The following DSPP variants were observed in gnomAD, a reference collection of about 807,000 sequenced individuals.
DSPP encodes deafness, autosomal dominant 39.
Under a neutral mutation model 29.1 loss-of-function variants are expected in DSPP, and 28 were observed. The observed-to-expected ratio is 0.96, with a 90% CI of 0.71 to 1.32. DSPP has a LOEUF of 1.32. Ranked by LOEUF, DSPP falls within the 40% of genes most tolerant of loss-of-function variation. The pLI, the probability that DSPP is intolerant of heterozygous loss-of-function variation, is 0.00. For missense variants in DSPP, 1,281 were observed against 1,629.9 expected, an observed-to-expected ratio of 0.79 and a Z score of 3.69; for synonymous variants, 481 against 503.4, an observed-to-expected ratio of 0.96 and a Z score of 0.60.
Position 87,614,644 on chromosome 4 carries a change from A to G in DSPP, c.1982A>G (p.Asn661Ser), listed in dbSNP as rs867415834. 6.5e-7 allele frequency: 1 copy of G among 1,542,690 alleles called. No individual in the cohort carries two copies. Among genetic ancestry groups the G allele is most frequent in the Non-Finnish European group, 8.8e-7 (1 of 1,140,092 alleles). ...AACAGTGATAGCAGCGACAGCAGCAATAGCAGTAACAGCAGTGATAGTAGT... is the reference window on the plus strand; with the variant it reads ...AACAGTGATAGCAGCGACAGCAGCAGTAGCAGTAACAGCAGTGATAGTAGT... Reference protein sequence around the residue: ...SDNSDSSDSSNSSNSSDSSDS... With the variant: ...SDNSDSSDSSSSSNSSDSSDS... The change falls in exon 5 of 5, where the codon AAT (asparagine) becomes AGT (serine). Residue 661 changes from asparagine (N) to serine (S), a missense_variant. By Grantham distance (46) the Asn-to-Ser change is conservative (BLOSUM62 1). Coordinates refer to ENST00000651931, the MANE Select transcript of DSPP (RefSeq NM_014208.3).
rs33940466 is a variant in DSPP at position 87,611,030 on chromosome 4, AGTGTGT to A, written c.51+99_51+104del. 1,480 of 821,072 alleles carry A rather than the reference AGTGTGT, an allele frequency of 1.8e-3. 1 individual carries two copies. Among genetic ancestry groups the A allele is most frequent in the South Asian group, 5.6e-3 (406 of 72,790 alleles). 50.9% of individuals were successfully genotyped at this position (821,072 alleles called of 1,614,324 possible). ...TTAACCTAACATTAATACAAAATGT[AGTGTGT>A]GTGTGTGTGTGTGTGTGTGTGTGTG... On this transcript the variant is annotated intron_variant, in intron 2 of 4. Coordinates refer to ENST00000651931, the MANE Select transcript of DSPP (RefSeq NM_014208.3).
Position 87,611,031 on chromosome 4 carries a change from G to GTC in DSPP, c.51+73_51+74insCT, listed in dbSNP as rs1491417670. ...TAACCTAACATTAATACAAAATGTA[G>GTC]TGTGTGTGTGTGTGTGTGTGTGTGT... On this transcript the variant is annotated intron_variant, in intron 2 of 4. Coordinates refer to ENST00000651931, the MANE Select transcript of DSPP (RefSeq NM_014208.3). 1.2e-3 allele frequency: 402 copies of GTC among 345,302 alleles called. 2 individuals carry two copies. In the African/African-American group the frequency reaches 0.034, roughly 29 times the overall value. The allele number at this position is 345,302 out of a possible 1,614,324, so 21.4% of individuals were successfully genotyped here. A position where few individuals can be genotyped will look rare whatever the true frequency, so the allele number is the denominator to read the frequency against.
At chr4:87,612,299 T>C in intron 3 of DSPP, 23 bp from the exon 4 acceptor site, 3 of 1,613,640 alleles carry the variant, frequency 1.9e-6, no homozygotes, top group Non-Finnish European at 2.5e-6. Context: ...TACTTATAAT[T>C]GATTGAATTG....
intron 3 of DSPP, 60 bp downstream of exon 3, chr4:87,612,248 C>T: frequency 1.2e-6 from 2 of 1,612,256 alleles, no homozygotes; most frequent in South Asian, 1.1e-5. Flanking sequence ...ATTCCATTAA[C>T]TTCTCCAAGA....
At position 87,616,174 on chromosome 4, in the gene DSPP, G is replaced by A. The variant is rs746089258; in HGVS notation, c.3512G>A (p.Ser1171Asn). Residue 1171 changes from serine (S) to asparagine (N), a missense_variant, in exon 5 of 5, where the codon AGC becomes AAC. By Grantham distance (46) the Ser-to-Asn change is conservative. This residue lies in a region of DSPP where 134 missense variants were observed against 185.0 expected (regional missense o/e 0.72). Transcript: ENST00000651931. Reference sequence around the variant, plus strand: ...AGCGATAGCAGCGACAGCAGCGACAGCAGCGATAGCAGTGACAGCAGCAAT... The same window carrying A: ...AGCGATAGCAGCGACAGCAGCGACAACAGCGATAGCAGTGACAGCAGCAAT... ...DSSDSSDSSD[S>N]SDSSDSSNSS... 3.9e-6 allele frequency: 6 copies of A among 1,547,092 alleles called. No homozygotes were observed. Among genetic ancestry groups the A allele is most frequent in the Non-Finnish European group, 5.2e-6 (6 of 1,144,842 alleles).
intron 2 of DSPP, 85 bp downstream of exon 2, chr4:87,611,044 T>C (rs975909688): frequency 1.9e-5 from 21 of 1,108,726 alleles, no homozygotes; most frequent in Non-Finnish European, 2.8e-5. Flanking sequence ...TGTGTGTGTG[T>C]GTGTGTGTGT....
Position 87,614,075 on chromosome 4 carries a change from T to C in DSPP, c.1413T>C (p.Ser471=). The change falls in exon 5 of 5, where the codon TCT becomes TCC. Residue 471 remains serine (S), a synonymous_variant. Coordinates refer to ENST00000651931, the MANE Select transcript of DSPP (RefSeq NM_014208.3). Reference sequence around the variant, plus strand: ...ATGATCCCAATAGCAGTGATGAATCTAATGGCAATGATGATGCTAATTCAG... The same window carrying C: ...ATGATCCCAATAGCAGTGATGAATCCAATGGCAATGATGATGCTAATTCAG... ...QGDDPNSSDE[S]NGNDDANSES... 2 of 1,614,234 alleles carry C rather than the reference T, an allele frequency of 1.2e-6. No individual in the cohort carries two copies. The highest frequency in any genetic ancestry group is 2.2e-5 in the South Asian group (2 of 91,090).
chr4:87,613,265 C>G lies in DSPP; in HGVS notation c.1079C>G (p.Thr360Ser). 6.2e-7 allele frequency: 1 copy of G among 1,613,704 alleles called. No homozygotes were observed. The highest frequency in any genetic ancestry group is 8.5e-7 in the Non-Finnish European group (1 of 1,180,020). The change falls in exon 4 of 5, where the codon ACC becomes AGC. Residue 360 changes from threonine (T) to serine (S), a missense_variant. This residue lies in a region of DSPP where 631 missense variants were observed against 643.2 expected (regional missense o/e 0.98). Transcript: ENST00000651931. The stretch of plus-strand genomic sequence containing the variant: ...AGCAAACGCGTAGAAAATAGAATCA[C>G]CAAAGAATCAGAGACACATGCTGTT... ...RESKRVENRITKESETHAVGK... is the reference protein window; with the variant it reads ...RESKRVENRISKESETHAVGK...
intron 2 of DSPP, 49 bp downstream of exon 2, chr4:87,611,008 AC>A: frequency 1.3e-6 from 2 of 1,521,428 alleles, no homozygotes; most frequent in South Asian, 1.1e-5. Flanking sequence ...ATCTTTTTTA[AC>A]CTAACATTAA....
chr4:87,615,275 TGACAGCAGC>T lies in DSPP; in HGVS notation c.2614_2622del (p.Asp872_Ser874del). The T allele has an allele frequency of 6.6e-7, 1 of 1,522,470 alleles. No individual in the cohort carries two copies. Among genetic ancestry groups the T allele is most frequent in the Non-Finnish European group, 8.8e-7 (1 of 1,133,456 alleles). The allele number at this position is 1,522,470 out of a possible 1,614,324, so 94.3% of individuals were successfully genotyped here. A position where few individuals can be genotyped will look rare whatever the true frequency, so the allele number is the denominator to read the frequency against. On this transcript the variant is annotated inframe_deletion, in exon 5 of 5. Transcript: ENST00000651931. ...ATAGTAGTGACAGCAGCGATAGCAG[TGACAGCAGC>T]AACAGCAGTGACAGCAGTGATAGCA...
chr4:87,614,165 T>G lies in DSPP; in HGVS notation c.1503T>G (p.Asn501Lys), dbSNP rs766084004. The change falls in exon 5 of 5, where the codon AAT becomes AAG. Residue 501 changes from asparagine to lysine, a missense_variant. Coordinates refer to ENST00000651931, the MANE Select transcript of DSPP (RefSeq NM_014208.3). ...ATAACTCTGATGAATCAAAAGATAA[T>G]GGCAATGGCAGTGACTCAAAAGGAG... is the stretch of plus-strand genomic sequence containing the variant. ...ASYNSDESKDNGNGSDSKGAE... is the reference protein window; with the variant it reads ...ASYNSDESKDKGNGSDSKGAE... 3 of 1,614,204 alleles carry G rather than the reference T, an allele frequency of 1.9e-6. No homozygotes were observed. Among genetic ancestry groups the G allele is most frequent in the South Asian group, 2.2e-5 (2 of 91,090 alleles).
chr4:87,615,198 G>A lies in DSPP; in HGVS notation c.2536G>A (p.Asp846Asn), dbSNP rs776496447. The change falls in exon 5 of 5, where the codon GAT (aspartate) becomes AAT (asparagine). Residue 846 changes from aspartate to asparagine, a missense_variant. Asp to Asn is a conservative substitution (Grantham distance 23). Coordinates refer to ENST00000651931, the MANE Select transcript of DSPP (RefSeq NM_014208.3). The stretch of plus-strand genomic sequence containing the variant: ...CAGCAGTGATAGCAGCGACAGCAGC[G>A]ATAGCAGTGACGGCAGTGATAGCGA... ...SNSSDSSDSS[D>N]SSDGSDSDSS... The A allele has an allele frequency of 2.7e-5, 40 of 1,509,236 alleles. No individual in the cohort carries two copies. The highest frequency in any genetic ancestry group is 1.1e-4 in the South Asian group (9 of 80,084). The allele number at this position is 1,509,236 out of a possible 1,614,324, so 93.5% of individuals were successfully genotyped here. A position where few individuals can be genotyped will look rare whatever the true frequency, so the allele number is the denominator to read the frequency against.
At position 87,614,256 on chromosome 4, in the gene DSPP, A is replaced by C; in HGVS notation, c.1594A>C (p.Asn532His). 6.2e-7 allele frequency: 1 copy of C among 1,614,292 alleles called. No individual in the cohort carries two copies. The highest frequency in any genetic ancestry group is 1.3e-5 in the African/African-American group (1 of 75,082). ...NNSDSNGNGNNGNDDNDKSDS... is the reference protein window; with the variant it reads ...NNSDSNGNGNHGNDDNDKSDS... ...TAGTGACAGTAATGGCAATGGTAAC[A>C]ATGGGAATGATGACAATGACAAATC... is the stretch of plus-strand genomic sequence containing the variant. Residue 532 changes from asparagine (N) to histidine (H), a missense_variant, in exon 5 of 5, where the codon AAT (asparagine) becomes CAT (histidine). Physicochemically the swap from Asn to His is moderately conservative, Grantham distance 68 (BLOSUM62 1). This residue lies in a region of DSPP where 631 missense variants were observed against 643.2 expected (regional missense o/e 0.98). Transcript: ENST00000651931.
Position 87,614,449 on chromosome 4 carries a change from G to C in DSPP, c.1787G>C (p.Ser596Thr). The C allele has an allele frequency of 1.3e-6, 2 of 1,553,052 alleles. No individual in the cohort carries two copies. The highest frequency in any genetic ancestry group is 1.7e-6 in the Non-Finnish European group (2 of 1,147,788). ...AGTGATAGCAGTGACAGTGATAGTA[G>C]TGATAGCAGCAATAGCAGTGACAGT... Reference protein sequence around the residue: ...DSSDSSDSDSSDSSNSSDSSD... With the variant: ...DSSDSSDSDSTDSSNSSDSSD... The change falls in exon 5 of 5, where the codon AGT (serine) becomes ACT (threonine). Residue 596 changes from serine (S) to threonine (T), a missense_variant. This residue lies in a region of DSPP where 444 missense variants were observed against 611.4 expected (regional missense o/e 0.73). Coordinates refer to ENST00000651931, the MANE Select transcript of DSPP (RefSeq NM_014208.3).
Position 87,613,804 on chromosome 4 carries a change from C to T in DSPP, c.1142C>T (p.Pro381Leu), listed in dbSNP as rs1165332625. Reference sequence around the variant, plus strand: ...CCATAGGGAATAGAAATCAAGGGTCCCAGCAGTGGCAACAGAAATATTACC... The same window carrying T: ...CCATAGGGAATAGAAATCAAGGGTCTCAGCAGTGGCAACAGAAATATTACC... ...SQDKGIEIKG[P>L]SSGNRNITKE... The change falls in exon 5 of 5, where the codon CCC (proline) becomes CTC (leucine). Residue 381 changes from proline (P) to leucine (L), a missense_variant. Pro to Leu is a moderately conservative substitution (Grantham distance 98). Around this residue, in one of 4 missense-constraint regions of DSPP, gnomAD observed 631 missense variants for 643.2 expected, o/e 0.98. Coordinates refer to ENST00000651931, the MANE Select transcript of DSPP (RefSeq NM_014208.3). 2 of 1,613,974 alleles carry T rather than the reference C, an allele frequency of 1.2e-6. No homozygotes were observed. The highest frequency in any genetic ancestry group is 4.5e-5 in the East Asian group (2 of 44,888).
Position 87,612,304 on chromosome 4 carries a change from G to GAATTGTTTCTTTTTCAGGATGAGTT in DSPP, c.136-15_145dup. 6.2e-7 allele frequency: 1 copy of GAATTGTTTCTTTTTCAGGATGAGTT among 1,613,590 alleles called. No individual in the cohort carries two copies. The highest frequency in any genetic ancestry group is 8.5e-7 in the Non-Finnish European group (1 of 1,179,756). On this transcript the variant is annotated splice_polypyrimidine_tract_variant and intron_variant, in intron 3 of 4. Transcript: ENST00000651931. ...AGATCATTGATACTTATAATTGATT[G>GAATTGTTTCTTTTTCAGGATGAGTT]AATTGTTTCTTTTTCAGGATGAGTT... is the stretch of plus-strand genomic sequence containing the variant.
In DSPP at chr4:87,614,463, A is replaced by T. The variant is rs1343944299; in HGVS notation, c.1801A>T (p.Ser601Cys). 7.7e-6 allele frequency: 12 copies of T among 1,552,222 alleles called. No homozygotes were observed. Among genetic ancestry groups the T allele is most frequent in the Non-Finnish European group, 9.6e-6 (11 of 1,147,276 alleles). ...CAGTGATAGTAGTGATAGCAGCAAT[A>T]GCAGTGACAGTAGTGACAGCAGTGA... ...SDSDSSDSSN[S>C]SDSSDSSDSS... is the part of the protein sequence containing the mutation. Residue 601 changes from serine (S) to cysteine (C), a missense_variant, in exon 5 of 5, where the codon AGC becomes TGC. Coordinates refer to ENST00000651931, the MANE Select transcript of DSPP (RefSeq NM_014208.3).
rs764046745 is a variant in DSPP, at chr4:87,613,020, G to A, written c.834G>A (p.Lys278=). ...GNGKDSSNNS[K]GQEGQDHGKE... ...GAAAAGACAGTAGTAATAACAGCAA[G>A]GGCCAGGAGGGCCAGGACCATGGGA... Residue 278 remains lysine (K), a synonymous_variant, in exon 4 of 5, where the codon AAG becomes AAA. Transcript: ENST00000651931. The A allele has an allele frequency of 1.2e-5, 20 of 1,614,106 alleles. No homozygotes were observed. Among genetic ancestry groups the A allele is most frequent in the Middle Eastern group, 1.6e-4 (1 of 6,062 alleles).
In DSPP at chr4:87,614,102, A is replaced by C; in HGVS notation, c.1440A>C (p.Glu480Asp). 3.1e-6 allele frequency: 5 copies of C among 1,614,252 alleles called. No homozygotes were observed. The highest frequency in any genetic ancestry group is 1.3e-5 in the African/African-American group (1 of 75,066). ...ESNGNDDANS[E>D]SDNNSSSRGD... ...ATGGCAATGATGATGCTAATTCAGA[A>C]AGTGACAATAACAGCAGTAGCCGAG... The change falls in exon 5 of 5, where the codon GAA (glutamate) becomes GAC (aspartate). Residue 480 changes from glutamate to aspartate, a missense_variant. By Grantham distance (45) the Glu-to-Asp change is conservative. Coordinates refer to ENST00000651931, the MANE Select transcript of DSPP (RefSeq NM_014208.3).
Sources: allele counts gnomAD v4.1 joint callset, GRCh38; gene constraint gnomAD v4.1.1; regional missense constraint gnomAD v4.1.1; transcripts MANE v1.5; gene names NCBI Gene and HGNC (gene_info 2026-07-23, HGNC 2026-07-21).